The following LRMDA variants were observed in gnomAD, a reference collection of about 807,000 sequenced individuals.
LRMDA encodes the protein leucine-rich melanocyte differentiation-associated protein.
A neutral mutation model predicts 29.8 loss-of-function variants in LRMDA; 18 were observed. That is an observed-to-expected ratio of 0.60 (90% CI 0.42 to 0.90). The LOEUF (loss-of-function observed/expected upper bound fraction) is 0.90. Among genes scored for constraint, LRMDA ranks in the 40% least tolerant of loss-of-function variants. LRMDA has a pLI of 0.00. For synonymous variants in LRMDA, 125 were observed against 109.4 expected, an observed-to-expected ratio of 1.14 and a Z score of -0.89; for missense variants, 273 against 273.9, an observed-to-expected ratio of 1.00 and a Z score of 0.02.
chr10:75,940,896 C>T (rs1361927519), intron 2 of LRMDA, among the ~76,000 whole-genome samples: 1 of 152,030 alleles, frequency 6.6e-6, no homozygotes, highest in Non-Finnish European at 1.5e-5. Context: ...GTAGCTATTT[C>T]ACTGAGTGGG....
intron 5 of LRMDA, among the ~76,000 whole-genome samples, chr10:76,161,785 T>G (rs1350853782): frequency 6.6e-6 from 1 of 152,146 alleles, no homozygotes; most frequent in Non-Finnish European, 1.5e-5. Flanking sequence ...GGTGGCACCT[T>G]AGAAAATTTA....
intron 2 of LRMDA, among the ~76,000 whole-genome samples, chr10:75,982,262 T>G (rs748183195): frequency 3.3e-5 from 5 of 152,208 alleles, no homozygotes; most frequent in Non-Finnish European, 5.9e-5. Context: ...AAAGCTGAAC[T>G]GATTGGGGTT....
At chr10:76,156,426 T>C (rs1850538780) in intron 5 of LRMDA, among the ~76,000 whole-genome samples, 1 of 152,186 alleles carries the variant, frequency 6.6e-6, no homozygotes, top group Admixed American at 6.6e-5. Context: ...TCCATTATTC[T>C]TTCCAAACAG....
At chr10:76,388,478 G>T (rs540890139) in intron 6 of LRMDA, among the ~76,000 whole-genome samples, 1 of 152,306 alleles carries the variant, frequency 6.6e-6, no homozygotes, top group African/African-American at 2.4e-5. Context: ...CCACAGATGA[G>T]GATTTCTAAC....
intron 6 of LRMDA, among the ~76,000 whole-genome samples, chr10:76,529,224 A>G (rs1328970671): frequency 6.6e-6 from 1 of 152,036 alleles, no homozygotes; most frequent in Non-Finnish European, 1.5e-5. Flanking sequence ...TTGAAAATTC[A>G]CTGCCTTTTA....
intron 5 of LRMDA, among the ~76,000 whole-genome samples, chr10:76,291,977 T>C (rs1840347633): frequency 6.6e-6 from 1 of 151,792 alleles, no homozygotes; most frequent in Admixed American, 6.6e-5. Context: ...TGGATGAGCA[T>C]ACAGTTGCTT....
chr10:75,959,076 C>A (rs1846716132), intron 2 of LRMDA, among the ~76,000 whole-genome samples: 1 of 152,168 alleles, frequency 6.6e-6, no homozygotes, highest in Middle Eastern at 3.2e-3. Flanking sequence ...GGTGGAGACA[C>A]AGCCAAACCA....
intron 2 of LRMDA, among the ~76,000 whole-genome samples, chr10:75,780,149 T>G (rs1843363497): frequency 6.6e-6 from 1 of 152,222 alleles, no homozygotes; most frequent in African/African-American, 2.4e-5. Flanking sequence ...GTGACCCTAC[T>G]GACACTGGAT....
intron 2 of LRMDA, among the ~76,000 whole-genome samples, chr10:75,679,395 G>A (rs1009753478): frequency 6.6e-6 from 1 of 152,102 alleles, no homozygotes; most frequent in African/African-American, 2.4e-5. Flanking sequence ...AGAGTTTGAA[G>A]TAACTTGCCA....
chr10:76,181,526 T>C (rs750026450), intron 5 of LRMDA, among the ~76,000 whole-genome samples: 1 of 152,164 alleles, frequency 6.6e-6, no homozygotes, highest in Non-Finnish European at 1.5e-5. Flanking sequence ...GAAGAGTACA[T>C]TTATTTGGAG....
At chr10:76,507,327 C>T (rs1842969247) in intron 6 of LRMDA, among the ~76,000 whole-genome samples, 1 of 148,716 alleles carries the variant, frequency 6.7e-6, no homozygotes, top group African/African-American at 2.5e-5. Context: ...TATTGATTTC[C>T]TTATGTATTT....
chr10:76,371,676 G>A (rs1841456907), intron 6 of LRMDA, among the ~76,000 whole-genome samples: 1 of 152,132 alleles, frequency 6.6e-6, no homozygotes, highest in Admixed American at 6.5e-5. Context: ...GGGGAGAAGT[G>A]GGCTGAGTAA....
chr10:76,464,407 A>G (rs1043073097), intron 6 of LRMDA, among the ~76,000 whole-genome samples: 4 of 152,162 alleles, frequency 2.6e-5, no homozygotes, highest in African/African-American at 9.7e-5. Flanking sequence ...CCCAGTCAAC[A>G]TGCCTACAAC....
intron 6 of LRMDA, among the ~76,000 whole-genome samples, chr10:76,350,092 C>T (rs960275327): frequency 4.0e-5 from 6 of 151,724 alleles, no homozygotes; most frequent in African/African-American, 1.5e-4. Context: ...GTAAAAGGGT[C>T]CTTACATTTT....
chr10:76,223,143 CT>C (rs1851880057), intron 5 of LRMDA, among the ~76,000 whole-genome samples: 1 of 151,906 alleles, frequency 6.6e-6, no homozygotes, highest in African/African-American at 2.4e-5. Flanking sequence ...GGAGGGATAG[CT>C]TTAGGAGATA....
intron 2 of LRMDA, among the ~76,000 whole-genome samples, chr10:75,820,207 C>A (rs1844133202): frequency 6.6e-6 from 1 of 152,216 alleles, no homozygotes; most frequent in African/African-American, 2.4e-5. Flanking sequence ...AATCTACATT[C>A]TTTTCATCTG....
At chr10:76,507,205 AT>A (rs56938536) in intron 6 of LRMDA, among the ~76,000 whole-genome samples, 99,633 of 149,318 alleles carry the variant, frequency 0.67, 35,139 homozygotes, top group Non-Finnish European at 0.81. Flanking sequence ...AATGTTGAAC[AT>A]TTTTTTTTTC....
chr10:76,023,280 G>A (rs1191756472), intron 2 of LRMDA, among the ~76,000 whole-genome samples: 2 of 152,158 alleles, frequency 1.3e-5, no homozygotes, highest in African/African-American at 2.4e-5. Flanking sequence ...CCCTCTGAGC[G>A]TGTGACGCTT....
intron 5 of LRMDA, among the ~76,000 whole-genome samples, chr10:76,086,497 A>G (rs1357061493): frequency 2.0e-5 from 3 of 152,252 alleles, no homozygotes; most frequent in African/African-American, 7.2e-5. Context: ...AGAGCAGTTT[A>G]GCTTAGGCAT....
Sources: gnomAD v4.1 joint callset for allele counts (sites outside exome capture counted in the v4.1 genomes callset) on GRCh38, gnomAD v4.1.1 for gene constraint, MANE v1.5 for transcripts, NCBI Gene and HGNC (gene_info 2026-07-23, HGNC 2026-07-21) for gene names.